The following CADPS2 variants were observed in gnomAD, a reference collection of about 807,000 sequenced individuals.
CADPS2 encodes calcium dependent secretion activator 2, also known as calcium-dependent secretion activator 2.
A neutral mutation model predicts 172.5 loss-of-function variants in CADPS2; 93 were observed. The observed-to-expected ratio is 0.54, with a 90% CI of 0.46 to 0.64. The LOEUF (loss-of-function observed/expected upper bound fraction) is 0.64, where lower values mean the gene tolerates loss of function less well. CADPS2 is among the 30% of genes least tolerant of loss of function. The pLI, the probability that CADPS2 is intolerant of heterozygous loss-of-function variation, is 0.00. For missense variants in CADPS2, 1,420 were observed against 1,565.9 expected (o/e 0.91, Z 1.57); for synonymous variants, 546 against 555.2 (o/e 0.98, Z 0.23).
At chr7:122,720,802 G>A (rs2090305202) in intron 2 of CADPS2, among the ~76,000 whole-genome samples, 1 of 151,808 alleles carries the variant, frequency 6.6e-6, no homozygotes, top group Non-Finnish European at 1.5e-5. Context: ...AACGATGAGA[G>A]TTAACAAGTA....
At chr7:122,879,975 TTTTAATTAC>T (rs1479143226) in intron 1 of CADPS2, among the ~76,000 whole-genome samples, 5 of 152,250 alleles carry the variant, frequency 3.3e-5, no homozygotes, top group African/African-American at 7.2e-5. Flanking sequence ...AAACAAGTCA[TTTTAATTAC>T]TTTAATTACT....
rs375972871 is a variant in CADPS2, at chr7:122,621,558, A to T, written c.1027T>A (p.Ser343Thr). 2 of 1,613,792 alleles carry T rather than the reference A, an allele frequency of 1.2e-6. No individual in the cohort carries two copies. Among genetic ancestry groups the T allele is most frequent in the Non-Finnish European group, 1.7e-6 (2 of 1,179,852 alleles). ...TCATCTCCTATGTCCAAAAATGCAGAGTTCTGTGAACGTTTTAATTTTTGT... is the reference window on the plus strand; with the variant it reads ...TCATCTCCTATGTCCAAAAATGCAGTGTTCTGTGAACGTTTTAATTTTTGT... ...KLQKLKRSQN[S>T]AFLDIGDENE... Residue 343 changes from serine to threonine, a missense_variant, in exon 5 of 30, where the codon TCT becomes ACT. Physicochemically the swap from Ser to Thr is moderately conservative, Grantham distance 58. Transcript: ENST00000449022.
chr7:122,477,160 C>T (rs1286293820), intron 12 of CADPS2, among the ~76,000 whole-genome samples: 2 of 151,920 alleles, frequency 1.3e-5, no homozygotes, highest in Non-Finnish European at 2.9e-5. Context: ...TTTCAGTTTG[C>T]TGGCCCTCTG....
intron 1 of CADPS2, among the ~76,000 whole-genome samples, chr7:122,816,093 A>T (rs748856551): frequency 6.6e-6 from 1 of 152,096 alleles, no homozygotes; most frequent in Non-Finnish European, 1.5e-5. Flanking sequence ...TCACCTTATC[A>T]TGCTACTGAA....
At chr7:122,465,485 G>A (rs2055014702) in intron 14 of CADPS2, among the ~76,000 whole-genome samples, 1 of 152,150 alleles carries the variant, frequency 6.6e-6, no homozygotes, top group Non-Finnish European at 1.5e-5. Flanking sequence ...AGCGAGTACT[G>A]CCTGACTTCC....
At chr7:122,700,516 G>T (rs1181513002) in intron 2 of CADPS2, among the ~76,000 whole-genome samples, 1 of 152,038 alleles carries the variant, frequency 6.6e-6, no homozygotes. Context: ...TGACACTGAG[G>T]TATCAAAAGT....
At chr7:122,658,748 G>C (rs987363598) in intron 3 of CADPS2, among the ~76,000 whole-genome samples, 3 of 152,132 alleles carry the variant, frequency 2.0e-5, no homozygotes, top group Admixed American at 2.0e-4. Context: ...GTGGACGAGT[G>C]GGGAGGGGAT....
intron 3 of CADPS2, among the ~76,000 whole-genome samples, chr7:122,639,352 A>C (rs926302163): frequency 6.6e-6 from 1 of 152,334 alleles, no homozygotes; most frequent in African/African-American, 2.4e-5. Flanking sequence ...CAACTGAGAC[A>C]ATTTTGATTC....
chr7:122,777,630 T>C (rs988885186), intron 1 of CADPS2, among the ~76,000 whole-genome samples: 2 of 152,088 alleles, frequency 1.3e-5, no homozygotes, highest in African/African-American at 4.8e-5. Flanking sequence ...GTTACCTCCA[T>C]GCTATTCTCA....
At chr7:122,447,145 T>A (rs552639948) in intron 15 of CADPS2, among the ~76,000 whole-genome samples, 2 of 150,910 alleles carry the variant, frequency 1.3e-5, no homozygotes, top group Non-Finnish European at 2.9e-5. Flanking sequence ...AGATCTAAAT[T>A]CAGTATCTAC....
chr7:122,520,133 G>A (rs1033133206), intron 8 of CADPS2, among the ~76,000 whole-genome samples: 3 of 151,896 alleles, frequency 2.0e-5, no homozygotes, highest in South Asian at 4.1e-4. Flanking sequence ...AGAATGTTCC[G>A]TGACAGCAGG....
chr7:122,780,877 G>A (rs190407272), intron 1 of CADPS2, among the ~76,000 whole-genome samples: 4 of 145,292 alleles, frequency 2.8e-5, no homozygotes, highest in African/African-American at 7.8e-5. Flanking sequence ...TTGGTTTTAT[G>A]TGACTACAAA....
At chr7:122,404,998 G>C (rs184512433) in intron 20 of CADPS2, among the ~76,000 whole-genome samples, 1 of 151,726 alleles carries the variant, frequency 6.6e-6, no homozygotes, top group Admixed American at 6.6e-5. Flanking sequence ...GTGTGGTGGC[G>C]GGCGCCTGTG....
At chr7:122,366,101 T>G (rs2040807098) in intron 25 of CADPS2, among the ~76,000 whole-genome samples, 1 of 139,986 alleles carries the variant, frequency 7.1e-6, no homozygotes, top group South Asian at 2.2e-4. Context: ...AGCTGTTTTG[T>G]TTTTTTTTTT....
intron 8 of CADPS2, among the ~76,000 whole-genome samples, chr7:122,531,684 T>G (rs2061767452): frequency 6.6e-6 from 1 of 152,122 alleles, no homozygotes; most frequent in African/African-American, 2.4e-5. Context: ...AATGACCCAA[T>G]ATATGTATTA....
chr7:122,374,417 T>A (rs1194268919), intron 25 of CADPS2, among the ~76,000 whole-genome samples: 2 of 149,752 alleles, frequency 1.3e-5, no homozygotes, highest in African/African-American at 4.9e-5. Context: ...ACAAATAAAA[T>A]AAAATAAAAT....
chr7:122,662,784 A>G (rs2080752013), intron 3 of CADPS2, among the ~76,000 whole-genome samples: 1 of 152,188 alleles, frequency 6.6e-6, no homozygotes, highest in Non-Finnish European at 1.5e-5. Flanking sequence ...AATTTATTTC[A>G]ATCTGGATGA....
At chr7:122,741,281 T>A (rs1320947818) in intron 1 of CADPS2, among the ~76,000 whole-genome samples, 1 of 152,152 alleles carries the variant, frequency 6.6e-6, no homozygotes, top group East Asian at 1.9e-4. Flanking sequence ...ATAACATGTA[T>A]GTGAATTTGC....
At position 122,366,117 on chromosome 7, in the gene CADPS2, G is replaced by T. The variant is rs75174874; in HGVS notation, c.3388-5104C>A. Among the ~76,000 whole-genome samples, 28 of 149,568 alleles carry T rather than the reference G, an allele frequency of 1.9e-4. No individual in the cohort carries two copies. The East Asian group carries it at 3.3e-3, about 18-fold the overall frequency. Reference sequence around the variant, plus strand: ...GCTGTTTTGTTTTTTTTTTTGTTAAGATCAGGACTAACTAGTATTGTTAAA... The same window carrying T: ...GCTGTTTTGTTTTTTTTTTTGTTAATATCAGGACTAACTAGTATTGTTAAA... On this transcript the variant is annotated intron_variant, in intron 25 of 29. Transcript: ENST00000449022.
Sources: allele counts gnomAD v4.1 joint callset (sites outside exome capture counted in the v4.1 genomes callset), GRCh38; gene constraint gnomAD v4.1.1; transcripts MANE v1.5; gene names NCBI Gene and HGNC (gene_info 2026-07-23, HGNC 2026-07-21).